Variants in FLT3LG observed in about 807,000 individuals in gnomAD.
FLT3LG encodes fms related receptor tyrosine kinase 3 ligand, also known as fms-related tyrosine kinase 3 ligand.
FLT3LG carries 8 observed loss-of-function variants against 30.9 expected under a neutral mutation model. That is an observed-to-expected ratio of 0.26 (90% CI 0.15 to 0.47). The LOEUF (loss-of-function observed/expected upper bound fraction) is 0.47, where lower values mean the gene tolerates loss of function less well. Among genes scored for constraint, FLT3LG ranks in the 20% least tolerant of loss-of-function variants. FLT3LG has a pLI of 0.99. For synonymous variants in FLT3LG, 123 were observed against 135.9 expected (o/e 0.91, Z 0.66); for missense variants, 278 against 306.2 (o/e 0.91, Z 0.69).
Position 49,474,628 on chromosome 19 carries a change from C to A in FLT3LG, c.-12C>A. 1 of 1,611,754 alleles carries A rather than the reference C, an allele frequency of 6.2e-7. No individual in the cohort carries two copies. Reference sequence around the variant, plus strand: ...ACCCGGCGACAGGAGGCATGAGGGGCCCCCGGCCGAAATGACAGTGCTGGC... The same window carrying A: ...ACCCGGCGACAGGAGGCATGAGGGGACCCCGGCCGAAATGACAGTGCTGGC... On this transcript the variant is annotated 5_prime_UTR_variant, in exon 2 of 9. Transcript: ENST00000597551.
chr19:49,474,659 C>T lies in FLT3LG; in HGVS notation c.20C>T (p.Ala7Val). Residue 7 changes from alanine to valine, a missense_variant, in exon 2 of 9, where the codon GCC becomes GTC. Ala to Val is a moderately conservative substitution (Grantham distance 64, BLOSUM62 0). This residue lies in a region of FLT3LG where 40 missense variants were observed against 34.3 expected (regional missense o/e 1.17). Coordinates refer to ENST00000597551, the MANE Select transcript of FLT3LG (RefSeq NM_001459.4). MTVLAP[A>V]WSPTTYLLLL... is the part of the protein sequence containing the mutation. Reference sequence around the variant, plus strand: ...GCCGAAATGACAGTGCTGGCGCCAGCCTGGAGCCCAACAGTGCGTAAACCC... The same window carrying T: ...GCCGAAATGACAGTGCTGGCGCCAGTCTGGAGCCCAACAGTGCGTAAACCC... The T allele has an allele frequency of 1.9e-6, 3 of 1,612,422 alleles. No homozygotes were observed. Among genetic ancestry groups the T allele is most frequent in the Non-Finnish European group, 2.5e-6 (3 of 1,179,662 alleles).
chr19:49,478,940 C>A lies in FLT3LG; in HGVS notation c.374C>A (p.Thr125Asn). ...CCCAGCTGTCTTCGCTTCGTCCAGA[C>A]CAACATCTCCCGCCTCCTGCAGGAG... Reference protein sequence around the residue: ...PPPSCLRFVQTNISRLLQETS... With the variant: ...PPPSCLRFVQNNISRLLQETS... Residue 125 changes from threonine (T) to asparagine (N), a missense_variant, in exon 6 of 9, where the codon ACC becomes AAC. Thr to Asn is a moderately conservative substitution (Grantham distance 65, BLOSUM62 0). Transcript: ENST00000597551. 6.4e-7 allele frequency: 1 copy of A among 1,562,320 alleles called. No individual in the cohort carries two copies. The highest frequency in any genetic ancestry group is 8.7e-7 in the Non-Finnish European group (1 of 1,153,210).
Position 49,485,312 on chromosome 19 carries a change from C to G in FLT3LG, c.*22-703C>G, listed in dbSNP as rs533302157. Among the ~76,000 whole-genome samples the G allele has an allele frequency of 5.4e-5, 8 of 146,948 alleles. No individual in the cohort carries two copies. The South Asian group carries it at 1.7e-3, about 32-fold the overall frequency. On this transcript the variant is annotated intron_variant, in intron 8 of 8. Transcript: ENST00000597551. ...TCGCCCAGGCTGGAGTGCAATGGCACGATCTTGGCTCACCGCAACCTCTGC... is the reference window on the plus strand; with the variant it reads ...TCGCCCAGGCTGGAGTGCAATGGCAGGATCTTGGCTCACCGCAACCTCTGC...
At chr19:49,479,979 T>C (rs2079545755) in intron 6 of FLT3LG, among the ~76,000 whole-genome samples, 2 of 151,912 alleles carry the variant, frequency 1.3e-5, no homozygotes, top group African/African-American at 4.8e-5. Context: ...AGTTTTTGTG[T>C]TTTTAGTAGA....
chr19:49,482,582 C>T (rs958555582), intron 8 of FLT3LG, among the ~76,000 whole-genome samples: 7 of 151,602 alleles, frequency 4.6e-5, no homozygotes, highest in Non-Finnish European at 5.9e-5. Context: ...GCAGTGGAAA[C>T]GGCATGTGAG....
In FLT3LG at chr19:49,476,242, A is replaced by G. The variant is rs765766912; in HGVS notation, c.198+44A>G. 9 of 1,544,966 alleles carry G rather than the reference A, an allele frequency of 5.8e-6. No individual in the cohort carries two copies. In the East Asian group the frequency reaches 1.3e-4, roughly 23 times the overall value. On this transcript the variant is annotated intron_variant, in intron 4 of 8. Transcript: ENST00000597551. This position sits in a 1 kb window ranked among gnomAD's most constrained non-coding sequence, Gnocchi z 5.3. Reference sequence around the variant, plus strand: ...GACCTGGGATGGAGGTGGGGACCACAGACTCAAGATGCTCCACCGAGGCGA... The same window carrying G: ...GACCTGGGATGGAGGTGGGGACCACGGACTCAAGATGCTCCACCGAGGCGA...
intron 3 of FLT3LG, 83 bp downstream of exon 3, chr19:49,475,884 CTG>C: frequency 7.7e-7 from 1 of 1,300,386 alleles, no homozygotes; most frequent in African/African-American, 1.5e-5. Flanking sequence ...GTCTCTCTCC[CTG>C]TGTTTCCCAG....
chr19:49,477,435 C>T (rs1433331535), intron 5 of FLT3LG, among the ~76,000 whole-genome samples: 1 of 151,952 alleles, frequency 6.6e-6, no homozygotes, highest in African/African-American at 2.4e-5. Context: ...CAGAGCAAGA[C>T]CCTGTCTCAA....
intron 8 of FLT3LG, among the ~76,000 whole-genome samples, chr19:49,484,641 C>T (rs1434541935): frequency 6.6e-6 from 1 of 151,854 alleles, no homozygotes; most frequent in Non-Finnish European, 1.5e-5. Context: ...GGATTACAGG[C>T]ACACACCACC....
chr19:49,474,391 G>A, intron 1 of FLT3LG, 110 bp downstream of exon 1: 1 of 588,528 alleles, frequency 1.7e-6, no homozygotes, highest in South Asian at 2.0e-5. Flanking sequence ...TCCCTAACCT[G>A]GGGAGGGTTC....
Position 49,476,376 on chromosome 19 carries a change from G to A in FLT3LG, c.199-47G>A, listed in dbSNP as rs750768969. 6.3e-7 allele frequency: 1 copy of A among 1,583,610 alleles called. No homozygotes were observed. The highest frequency in any genetic ancestry group is 1.1e-5 in the South Asian group (1 of 89,822). ...AGCCCCTCCTCCCTCAGACCCAGCAGCCCCGTGCCCAGCTCCTCCCTCAGA... is the reference window on the plus strand; with the variant it reads ...AGCCCCTCCTCCCTCAGACCCAGCAACCCCGTGCCCAGCTCCTCCCTCAGA... On this transcript the variant is annotated intron_variant, in intron 4 of 8. Coordinates refer to ENST00000597551, the MANE Select transcript of FLT3LG (RefSeq NM_001459.4). The surrounding 1 kb of genome is among the most constrained non-coding windows in gnomAD (Gnocchi z 5.3).
chr19:49,478,878 T>C (rs747638047), intron 5 of FLT3LG, 31 bp from the exon 6 acceptor site: 3 of 1,482,096 alleles, frequency 2.0e-6, no homozygotes, highest in Admixed American at 4.5e-5. Flanking sequence ...GGGGATGACG[T>C]GGTGGTGACG....
At chr19:49,474,704 G>T in intron 2 of FLT3LG, 32 bp downstream of exon 2, 1 of 1,608,822 alleles carries the variant, frequency 6.2e-7, no homozygotes, top group Non-Finnish European at 8.5e-7. Flanking sequence ...GATCAGGGGA[G>T]AGGGGAGGCA....
chr19:49,483,157 G>A (rs1480033516), intron 8 of FLT3LG, among the ~76,000 whole-genome samples: 1 of 151,214 alleles, frequency 6.6e-6, no homozygotes, highest in Non-Finnish European at 1.5e-5. Context: ...ATGGATTCTC[G>A]CTCTGTCACC....
intron 6 of FLT3LG, 43 bp downstream of exon 6, chr19:49,479,090 C>T (rs1294399386): frequency 1.3e-6 from 2 of 1,569,020 alleles, no homozygotes; most frequent in South Asian, 2.4e-5. Context: ...CTCCTGTCCT[C>T]ACGGCCGCTC....
rs754603425 is a variant in FLT3LG, at chr19:49,476,382, T to A, written c.199-41T>A. 1.3e-6 allele frequency: 2 copies of A among 1,589,782 alleles called. No individual in the cohort carries two copies. On this transcript the variant is annotated intron_variant, in intron 4 of 8. Coordinates refer to ENST00000597551, the MANE Select transcript of FLT3LG (RefSeq NM_001459.4). This position sits in a 1 kb window ranked among gnomAD's most constrained non-coding sequence, Gnocchi z 5.3. ...TCCTCCCTCAGACCCAGCAGCCCCG[T>A]GCCCAGCTCCTCCCTCAGACCCGTG... is the stretch of plus-strand genomic sequence containing the variant.
At position 49,485,661 on chromosome 19, in the gene FLT3LG, C is replaced by T. The variant is rs187024940; in HGVS notation, c.*22-354C>T. ...CCTCCTAAAGTGCTGGAATTACAGG[C>T]GTGAGCCACTGTGCCTGGCCCTAAT... is the stretch of plus-strand genomic sequence containing the variant. On this transcript the variant is annotated intron_variant, in intron 8 of 8. Coordinates refer to ENST00000597551, the MANE Select transcript of FLT3LG (RefSeq NM_001459.4). 2.5e-3 allele frequency among the ~76,000 whole-genome samples: 388 copies of T among 152,234 alleles called. 1 individual carries two copies. Among genetic ancestry groups the T allele is most frequent in the African/African-American group, 8.9e-3 (370 of 41,558 alleles).
intron 1 of FLT3LG, 83 bp downstream of exon 1, chr19:49,474,364 G>C: frequency 3.5e-6 from 2 of 575,286 alleles, no homozygotes; most frequent in East Asian, 5.8e-5. Context: ...CAGAGGGTGG[G>C]GGGCTGGGTT....
Position 49,476,515 on chromosome 19 carries a change from G to A in FLT3LG, c.291G>A (p.Leu97=), listed in dbSNP as rs368893926. The A allele has an allele frequency of 1.2e-6, 2 of 1,614,094 alleles. No homozygotes were observed. The highest frequency in any genetic ancestry group is 1.7e-6 in the Non-Finnish European group (2 of 1,180,044). ...TCGCTGGGTCCAAGATGCAAGGCTT[G>A]CTGGAGCGCGTGAACACGGAGATAC... ...KTVAGSKMQG[L]LERVNTEIHF... The change falls in exon 5 of 9, where the codon TTG becomes TTA. Residue 97 remains leucine (L), a synonymous_variant. Transcript: ENST00000597551. The surrounding 1 kb of genome is among the most constrained non-coding windows in gnomAD (Gnocchi z 5.3).
Sources: allele counts gnomAD v4.1 joint callset (sites outside exome capture counted in the v4.1 genomes callset), GRCh38; gene constraint gnomAD v4.1.1; regional missense constraint gnomAD v4.1.1; non-coding constraint Gnocchi (gnomAD v3.1); transcripts MANE v1.5; gene names NCBI Gene and HGNC (gene_info 2026-07-23, HGNC 2026-07-21).